Variants in RPL3 observed in about 807,000 individuals in gnomAD.
RPL3 encodes the protein ribosomal protein L3.
In RPL3, 3 loss-of-function variants were observed where a neutral mutation model predicts 46.0. The ratio of observed to expected loss-of-function variants is 0.07; its 90% CI spans 0.03 to 0.17. The LOEUF is 0.17. Among genes scored for constraint, RPL3 ranks in the 10% least tolerant of loss-of-function variants. RPL3 has a pLI of 1.00. For synonymous variants in RPL3, 224 were observed against 190.8 expected (o/e 1.17, Z -1.43); for missense variants, 387 against 532.7 (o/e 0.73, Z 2.69).
intron 1 of RPL3, 116 bp downstream of exon 1, chr22:39,319,479 C>T: frequency 2.1e-6 from 3 of 1,403,390 alleles, no homozygotes; most frequent in South Asian, 1.2e-5. Flanking sequence ...CGCTGGGTCG[C>T]CCGTGCCCCT....
rs767534829 is a variant in RPL3 at position 39,316,845 on chromosome 22, C to T, written c.366-4G>A. 4 of 1,613,652 alleles carry T rather than the reference C, an allele frequency of 2.5e-6. No homozygotes were observed. In the African/African-American group the frequency reaches 5.3e-5, roughly 22 times the overall value. The stretch of plus-strand genomic sequence containing the variant: ...GGCCTTCTTCTTAGATTTATGCCTT[C>T]AGGAGCAGAGCAGAGTTGGGGAGGG... On this transcript the variant is annotated splice_polypyrimidine_tract_variant and splice_region_variant and intron_variant, in intron 3 of 9. Transcript: ENST00000216146.
At chr22:39,313,114 CT>C in intron 9 of RPL3, 76 bp downstream of exon 9, 1 of 1,597,284 alleles carries the variant, frequency 6.3e-7, no homozygotes, top group South Asian at 1.1e-5. Context: ...AAGACCACCC[CT>C]ACCCCGGCTG....
intron 5 of RPL3, chr22:39,315,096 C>A: frequency 1.4e-6 from 1 of 727,578 alleles, no homozygotes; most frequent in South Asian, 1.6e-5. Context: ...GACTGACTAA[C>A]ATAATTCCAA....
chr22:39,313,402 C>A lies in RPL3; in HGVS notation c.1048-92G>T, dbSNP rs1042845256. On this transcript the variant is annotated intron_variant, in intron 8 of 9. Transcript: ENST00000216146. ...GCGCCCCTGCATCTGGGAAGCCACA[C>A]GATCAATTCAGCCTCCCCCACCATC... 9 of 1,566,052 alleles carry A rather than the reference C, an allele frequency of 5.7e-6. No homozygotes were observed. The East Asian group carries it at 1.6e-4, about 28-fold the overall frequency.
chr22:39,318,938 G>A (rs1387502548), intron 1 of RPL3: 3 of 505,922 alleles, frequency 5.9e-6, no homozygotes, highest in Non-Finnish European at 1.2e-5. Context: ...CTAAAGAAAG[G>A]GACTCCCGGG....
intron 5 of RPL3, 85 bp downstream of exon 5, chr22:39,315,284 C>A (rs369991804): frequency 6.4e-7 from 1 of 1,568,314 alleles, no homozygotes; most frequent in African/African-American, 1.3e-5. Flanking sequence ...CCAGCGCTCA[C>A]TCTGAGCCTC....
chr22:39,316,821 G>A lies in RPL3; in HGVS notation c.386C>T (p.Ala129Val), dbSNP rs749217947. ...YKNWHKSKKKAFTKYCKKWQD... is the reference protein window; with the variant it reads ...YKNWHKSKKKVFTKYCKKWQD... ...CCATTTCTTGCAGTACTTGGTAAAG[G>A]CCTTCTTCTTAGATTTATGCCTTCA... The change falls in exon 4 of 10, where the codon GCC (alanine) becomes GTC (valine). Residue 129 changes from alanine to valine, a missense_variant. This residue lies in a region of RPL3 where 196 missense variants were observed against 217.5 expected (regional missense o/e 0.90). Coordinates refer to ENST00000216146, the MANE Select transcript of RPL3 (RefSeq NM_000967.4). The A allele has an allele frequency of 5.6e-6, 9 of 1,614,034 alleles. No homozygotes were observed. Among genetic ancestry groups the A allele is most frequent in the South Asian group, 1.1e-5 (1 of 91,088 alleles).
At chr22:39,314,280 T>C in intron 6 of RPL3, 72 bp from the exon 7 acceptor site, 2 of 1,290,936 alleles carry the variant, frequency 1.5e-6, no homozygotes, top group Non-Finnish European at 2.2e-6. Flanking sequence ...TGTGCTGACC[T>C]GCAAAGCACG....
chr22:39,318,702 G>A, intron 1 of RPL3, 110 bp from the exon 2 acceptor site: 1 of 881,780 alleles, frequency 1.1e-6, no homozygotes, highest in Middle Eastern at 2.8e-4. Flanking sequence ...ATCCTGACCA[G>A]ACACCCAGCA....
intron 1 of RPL3, 154 bp downstream of exon 1, chr22:39,319,441 T>G: frequency 9.3e-7 from 1 of 1,076,046 alleles, no homozygotes; most frequent in Non-Finnish European, 1.4e-6. Context: ...CTCTCGACTT[T>G]CCAGAAAATA....
intron 1 of RPL3, 170 bp from the exon 2 acceptor site, chr22:39,318,762 T>C (rs1378444215): frequency 6.4e-6 from 4 of 626,308 alleles, no homozygotes; most frequent in Admixed American, 3.0e-5. Flanking sequence ...GTGTCAAGAA[T>C]GCTTTTGTAT....
At chr22:39,315,331 C>G (rs1327726779) in intron 5 of RPL3, 38 bp downstream of exon 5, 4 of 1,613,794 alleles carry the variant, frequency 2.5e-6, no homozygotes, top group African/African-American at 1.3e-5. Context: ...ACTTCTCCCC[C>G]AGGTTTGCAC....
chr22:39,315,720 C>A (rs9607632), intron 4 of RPL3, among the ~76,000 whole-genome samples, 165 bp from the exon 5 acceptor site: 1 of 152,162 alleles, frequency 6.6e-6, no homozygotes, highest in Non-Finnish European at 1.5e-5. Context: ...TCATTTTTGC[C>A]AACAGCAACA....
chr22:39,316,094 T>C (rs1569160758), intron 4 of RPL3, among the ~76,000 whole-genome samples: 1 of 151,984 alleles, frequency 6.6e-6, no homozygotes, highest in African/African-American at 2.4e-5. Flanking sequence ...ACAAAATTAG[T>C]AGGGCGTGGT....
At position 39,313,345 on chromosome 22, in the gene RPL3, G is replaced by A. The variant is rs775404698; in HGVS notation, c.1048-35C>T. On this transcript the variant is annotated intron_variant, in intron 8 of 9. Coordinates refer to ENST00000216146, the MANE Select transcript of RPL3 (RefSeq NM_000967.4). ...AAGAGGGGAAGGGATTTAGGATTAC[G>A]AGGAGCCAGGCTTTCCTCAGCACTG... The A allele has an allele frequency of 7.0e-5, 113 of 1,612,962 alleles. No homozygotes were observed. The Middle Eastern group carries it at 1.7e-3, about 24-fold the overall frequency.
chr22:39,316,740 T>C lies in RPL3; in HGVS notation c.467A>G (p.Tyr156Cys). The change falls in exon 4 of 10, where the codon TAC becomes TGC. Residue 156 changes from tyrosine (Y) to cysteine (C), a missense_variant. Transcript: ENST00000216146. Reference sequence around the variant, plus strand: ...GGCAATGACACGGATGACTTGGCAGTACTTCTTCATGCTGCTGAAGTCCTT... The same window carrying C: ...GGCAATGACACGGATGACTTGGCAGCACTTCTTCATGCTGCTGAAGTCCTT... ...LEKDFSSMKK[Y>C]CQVIRVIAHT... 6.2e-7 allele frequency: 1 copy of C among 1,612,954 alleles called. No homozygotes were observed.
At chr22:39,317,678 G>A (rs759364250) in intron 2 of RPL3, 49 bp from the exon 3 acceptor site, 5 of 1,594,870 alleles carry the variant, frequency 3.1e-6, no homozygotes, top group African/African-American at 2.7e-5. Flanking sequence ...CAAGCAAGGG[G>A]TGTAATGTTT....
intron 1 of RPL3, chr22:39,319,300 G>C: frequency 1.8e-6 from 1 of 558,960 alleles, no homozygotes; most frequent in South Asian, 2.0e-5. Flanking sequence ...TGATAGAATT[G>C]GTGAGGTCGA....
intron 4 of RPL3, among the ~76,000 whole-genome samples, chr22:39,316,503 G>C (rs1326157295): frequency 6.6e-6 from 1 of 152,196 alleles, no homozygotes; most frequent in East Asian, 1.9e-4. Context: ...CCGACTTTCA[G>C]GCAGGCATTT....
Sources: allele counts gnomAD v4.1 joint callset (sites outside exome capture counted in the v4.1 genomes callset), GRCh38; gene constraint gnomAD v4.1.1; regional missense constraint gnomAD v4.1.1; transcripts MANE v1.5; gene names NCBI Gene and HGNC (gene_info 2026-07-23, HGNC 2026-07-21).